Variants in YJEFN3 observed in about 807,000 individuals in gnomAD.
YJEFN3 encodes the protein YjeF N-terminal domain containing 3, also known as yjeF N-terminal domain-containing protein 3.
Under a neutral mutation model 31.5 loss-of-function variants are expected in YJEFN3, and 29 were observed. That is an observed-to-expected ratio of 0.92 (90% CI 0.69 to 1.26). The LOEUF is 1.26. YJEFN3 is among the 50% of genes most tolerant of loss of function. The pLI is 0.00. For missense variants in YJEFN3, 442 were observed against 425.4 expected, an observed-to-expected ratio of 1.04 and a Z score of -0.34; for synonymous variants, 227 against 196.1, an observed-to-expected ratio of 1.16 and a Z score of -1.32.
intron 2 of YJEFN3, among the ~76,000 whole-genome samples, chr19:19,530,912 C>T (rs954561312): frequency 1.4e-4 from 21 of 152,168 alleles, no homozygotes; most frequent in African/African-American, 4.1e-4. Flanking sequence ...TCACCATGTT[C>T]CTCAGTCTGG....
chr19:19,536,595 C>A (rs541353589), intron 6 of YJEFN3, among the ~76,000 whole-genome samples: 84 of 152,246 alleles, frequency 5.5e-4, no homozygotes, highest in African/African-American at 2.0e-3. Flanking sequence ...AGGAGAATCG[C>A]TTGAACCCGG....
chr19:19,535,439 C>G lies in YJEFN3; in HGVS notation c.532C>G (p.Leu178Val), dbSNP rs751950101. The G allele has an allele frequency of 6.2e-7, 1 of 1,614,020 alleles. No homozygotes were observed. The highest frequency in any genetic ancestry group is 2.2e-5 in the East Asian group (1 of 44,882). Residue 178 changes from leucine (L) to valine (V), a missense_variant, in exon 5 of 7, where the codon CTG becomes GTG. Physicochemically the swap from Leu to Val is conservative, Grantham distance 32. Transcript: ENST00000514277. ...GATGGACATCCCCTTCCTGAGCTAC[C>G]TGCCCACTGAGGTCAGCGCTGGGTG... ...EKMDIPFLSY[L>V]PTEVQLINEA...
chr19:19,529,800 G>T (rs2061136602), intron 2 of YJEFN3, among the ~76,000 whole-genome samples: 1 of 152,020 alleles, frequency 6.6e-6, no homozygotes, highest in Non-Finnish European at 1.5e-5. Flanking sequence ...GGGGCTCTCA[G>T]GGGTGGGTAG....
chr19:19,529,134 G>A (rs2061128378), intron 1 of YJEFN3, 143 bp downstream of exon 1: 8 of 1,471,644 alleles, frequency 5.4e-6, no homozygotes, highest in East Asian at 2.5e-5. Context: ...GAGGTTCAAC[G>A]GCAGAGGCAT....
chr19:19,535,578 GC>G lies in YJEFN3; in HGVS notation c.597del (p.Gly200AlafsTer26). The G allele has an allele frequency of 6.3e-7, 1 of 1,582,208 alleles. No individual in the cohort carries two copies. The highest frequency in any genetic ancestry group is 1.3e-5 in the African/African-American group (1 of 74,090). ...AYGLVVDAVL[G>X]PGVEPGEVGG... ...GGGCTGGTGGTGGATGCCGTACTGG[GC>G]CCCGGCGTGGAGCCGGGCGAGGTCG... On this transcript the variant is annotated frameshift_variant, in exon 6 of 7. Coordinates refer to ENST00000514277, the MANE Select transcript of YJEFN3 (RefSeq NM_198537.4). LOFTEE classifies it high-confidence loss of function.
intron 3 of YJEFN3, chr19:19,533,916 C>G: frequency 3.0e-6 from 3 of 985,528 alleles, no homozygotes; most frequent in Non-Finnish European, 3.6e-6. Flanking sequence ...CCCGGTGTGG[C>G]TGGGATCGCA....
intron 5 of YJEFN3, 39 bp downstream of exon 5, chr19:19,535,489 A>T (rs2061199754): frequency 1.2e-6 from 2 of 1,613,250 alleles, no homozygotes; most frequent in Non-Finnish European, 1.7e-6. Flanking sequence ...CATGGTGTGC[A>T]GTGGCCCTGG....
At chr19:19,535,219 C>A in intron 4 of YJEFN3, 75 bp downstream of exon 4, 1 of 1,514,306 alleles carries the variant, frequency 6.6e-7, no homozygotes, top group South Asian at 1.2e-5. Flanking sequence ...TTGATAGCTT[C>A]CCAGGGGGAC....
chr19:19,535,246 G>T (rs899968067), intron 4 of YJEFN3, 91 bp from the exon 5 acceptor site: 2 of 1,516,312 alleles, frequency 1.3e-6, no homozygotes, highest in South Asian at 1.2e-5. Flanking sequence ...GCAGGGCCAG[G>T]TTATAGAATA....
intron 2 of YJEFN3, among the ~76,000 whole-genome samples, chr19:19,530,350 A>C (rs1418837399): frequency 1.3e-5 from 2 of 151,772 alleles, no homozygotes; most frequent in Admixed American, 1.3e-4. Context: ...ACCCTCCTTC[A>C]CCAGGCTCCA....
chr19:19,535,156 G>T lies in YJEFN3; in HGVS notation c.429+12G>T. 1.3e-6 allele frequency: 2 copies of T among 1,588,582 alleles called. No individual in the cohort carries two copies. Among genetic ancestry groups the T allele is most frequent in the South Asian group, 1.1e-5 (1 of 87,610 alleles). ...ACCTGCGGGTGTTTGTAAGTAGCAAGGACCCCTTCGACCTCCCAAAGTCCC... is the reference window on the plus strand; with the variant it reads ...ACCTGCGGGTGTTTGTAAGTAGCAATGACCCCTTCGACCTCCCAAAGTCCC... On this transcript the variant is annotated intron_variant, in intron 4 of 6. Coordinates refer to ENST00000514277, the MANE Select transcript of YJEFN3 (RefSeq NM_198537.4).
chr19:19,529,066 A>AG (rs528521481), intron 1 of YJEFN3, 75 bp downstream of exon 1: 16,698 of 1,535,690 alleles, frequency 0.011, 119 homozygotes, highest in Middle Eastern at 0.03. Context: ...GACCGGAGGC[A>AG]GGGTCATAGC....
intron 6 of YJEFN3, chr19:19,536,131 C>A: frequency 2.6e-6 from 1 of 387,592 alleles, no homozygotes; most frequent in Non-Finnish European, 4.7e-6. Flanking sequence ...GCAGGTGCCA[C>A]AGAGCAGGGG....
intron 4 of YJEFN3, 33 bp from the exon 5 acceptor site, chr19:19,535,303 AG>A: frequency 6.3e-7 from 1 of 1,597,606 alleles, no homozygotes; most frequent in Non-Finnish European, 8.6e-7. Flanking sequence ...TGACCAGGTC[AG>A]GGGAGTCTGA....
chr19:19,536,069 G>T (rs2061206529), intron 6 of YJEFN3: 4 of 505,728 alleles, frequency 7.9e-6, no homozygotes, highest in Non-Finnish European at 3.5e-6. Context: ...CCGTGGGGGT[G>T]GCTGGACTCC....
Position 19,532,671 on chromosome 19 carries a change from G to A in YJEFN3, c.249G>A (p.Glu83=). ...CCGCCCTGGAGCGGGAGCTGCTGGA[G>A]GATTATCGCTTTGGGCGGCAGCAGC... The part of the protein sequence containing the change: ...EAAALERELL[E]DYRFGRQQLV... The change falls in exon 3 of 7, where the codon GAG becomes GAA. Residue 83 remains glutamate, a synonymous_variant. Transcript: ENST00000514277. The A allele has an allele frequency of 6.4e-7, 1 of 1,572,828 alleles. No homozygotes were observed. The highest frequency in any genetic ancestry group is 8.6e-7 in the Non-Finnish European group (1 of 1,165,446).
chr19:19,532,862 C>T (rs1400394546), intron 3 of YJEFN3, 122 bp downstream of exon 3: 2 of 1,087,430 alleles, frequency 1.8e-6, no homozygotes, highest in African/African-American at 3.2e-5. Flanking sequence ...GGGCCTACCC[C>T]AGCCTGATGG....
intron 2 of YJEFN3, among the ~76,000 whole-genome samples, chr19:19,529,890 T>G (rs2061137762): frequency 6.6e-6 from 1 of 151,578 alleles, no homozygotes; most frequent in Admixed American, 6.6e-5. Flanking sequence ...GAGTTTGGAG[T>G]TTGAATGTTC....
rs778184360 is a variant in YJEFN3, at chr19:19,535,420, C to T, written c.513C>T (p.Asp171=). The T allele has an allele frequency of 1.2e-6, 2 of 1,614,072 alleles. No individual in the cohort carries two copies. The highest frequency in any genetic ancestry group is 1.7e-6 in the Non-Finnish European group (2 of 1,180,002). ...RDLTTQCEKM[D]IPFLSYLPTE... ...TGACCACCCAGTGCGAGAAGATGGA[C>T]ATCCCCTTCCTGAGCTACCTGCCCA... Residue 171 remains aspartate (D), a synonymous_variant, in exon 5 of 7, where the codon GAC becomes GAT. Coordinates refer to ENST00000514277, the MANE Select transcript of YJEFN3 (RefSeq NM_198537.4).
Sources: allele counts gnomAD v4.1 joint callset (sites outside exome capture counted in the v4.1 genomes callset), GRCh38; gene constraint gnomAD v4.1.1; transcripts MANE v1.5; gene names NCBI Gene and HGNC (gene_info 2026-07-23, HGNC 2026-07-21).